The following PPM1H variants were observed in gnomAD, a reference collection of about 807,000 sequenced individuals.
The protein encoded by PPM1H is protein phosphatase 1H.
PPM1H carries 27 observed loss-of-function variants against 54.9 expected under a neutral mutation model. The ratio of observed to expected loss-of-function variants is 0.49; its 90% CI spans 0.36 to 0.68. The LOEUF is 0.68. PPM1H is among the 30% of genes least tolerant of loss of function. The pLI, the probability that PPM1H is intolerant of heterozygous loss-of-function variation, is 0.00. For synonymous variants in PPM1H, 305 were observed against 270.8 expected (o/e 1.13, Z -1.24); for missense variants, 596 against 667.8 (o/e 0.89, Z 1.19).
intron 3 of PPM1H, among the ~76,000 whole-genome samples, chr12:62,791,522 CCAATA>C (rs1180828459): frequency 1.8e-4 from 28 of 152,142 alleles, no homozygotes; most frequent in Non-Finnish European, 1.5e-5. Context: ...GAGTCTGCAT[CCAATA>C]CATCAAAAGG....
chr12:62,731,846 C>T (rs1451516114), intron 5 of PPM1H, among the ~76,000 whole-genome samples: 1 of 152,114 alleles, frequency 6.6e-6, no homozygotes, highest in African/African-American at 2.4e-5. Flanking sequence ...TACCTCAGGG[C>T]TATGGATGTC....
intron 8 of PPM1H, among the ~76,000 whole-genome samples, chr12:62,683,026 TTTATTATTTA>T (rs1362799703): frequency 2.3e-4 from 32 of 136,906 alleles, no homozygotes; most frequent in African/African-American, 8.2e-4. Context: ...TTTGGGAGAG[TTTATTATTTA>T]TTATTATTAT....
intron 1 of PPM1H, among the ~76,000 whole-genome samples, chr12:62,933,204 C>A (rs2120368337): frequency 1.3e-5 from 2 of 152,224 alleles, no homozygotes; most frequent in Middle Eastern, 3.4e-3. Flanking sequence ...ATCGTCTAGC[C>A]CCATTTATAC....
At chr12:62,691,946 G>A (rs2076085557) in intron 7 of PPM1H, among the ~76,000 whole-genome samples, 1 of 152,062 alleles carries the variant, frequency 6.6e-6, no homozygotes, top group South Asian at 2.1e-4. Context: ...TGGCTCTCCT[G>A]CTCTCCTCCC....
intron 1 of PPM1H, among the ~76,000 whole-genome samples, chr12:62,933,705 G>A (rs923201921): frequency 2.0e-5 from 3 of 152,140 alleles, no homozygotes; most frequent in Non-Finnish European, 4.4e-5. Context: ...GGAGCTGGGG[G>A]AAGGGCAATA....
At chr12:62,733,612 A>G (rs532410657) in intron 5 of PPM1H, among the ~76,000 whole-genome samples, 170 of 152,316 alleles carry the variant, frequency 1.1e-3, no homozygotes, top group African/African-American at 3.7e-3. Flanking sequence ...AGTATTTACC[A>G]TAAAGATTTC....
intron 3 of PPM1H, among the ~76,000 whole-genome samples, chr12:62,796,213 T>C (rs949346253): frequency 1.1e-4 from 17 of 152,134 alleles, no homozygotes; most frequent in African/African-American, 3.9e-4. Flanking sequence ...GTGTGAGAGT[T>C]TTCCCCCACA....
chr12:62,766,234 G>A (rs912616494), intron 4 of PPM1H, among the ~76,000 whole-genome samples: 2 of 152,082 alleles, frequency 1.3e-5, no homozygotes, highest in Non-Finnish European at 2.9e-5. Flanking sequence ...CAGGAGAGAG[G>A]GCTCTATTGG....
At chr12:62,908,068 C>T (rs373036337) in intron 1 of PPM1H, among the ~76,000 whole-genome samples, 2 of 152,160 alleles carry the variant, frequency 1.3e-5, no homozygotes, top group East Asian at 3.8e-4. Flanking sequence ...GGACAATCTC[C>T]TTATTGACTT....
chr12:62,934,825 C>T lies in PPM1H; in HGVS notation c.-89G>A. On this transcript the variant is annotated 5_prime_UTR_variant, in exon 1 of 10. Transcript: ENST00000228705. This position sits in a 1 kb window ranked among gnomAD's most constrained non-coding sequence, Gnocchi z 4.2. ...CGCGGGGCATGCAGGCTGCGGTGGG[C>T]GCCGGGCGCACGGCGAGTCGGGCCA... 1 of 1,229,268 alleles carries T rather than the reference C, an allele frequency of 8.1e-7. No homozygotes were observed. The highest frequency in any genetic ancestry group is 1.0e-6 in the Non-Finnish European group (1 of 974,974). The allele number at this position is 1,229,268 out of a possible 1,614,324, so 76.1% of individuals were successfully genotyped here. A position where few individuals can be genotyped will look rare whatever the true frequency, so the allele number is the denominator to read the frequency against.
intron 1 of PPM1H, among the ~76,000 whole-genome samples, chr12:62,877,580 T>C (rs1179788978): frequency 1.3e-5 from 2 of 152,214 alleles, no homozygotes; most frequent in African/African-American, 4.8e-5. Context: ...CCATGAAATA[T>C]ATATGATTTT....
intron 1 of PPM1H, among the ~76,000 whole-genome samples, chr12:62,901,102 T>C (rs774009762): frequency 3.3e-5 from 5 of 152,172 alleles, no homozygotes. Flanking sequence ...TTGCATCATG[T>C]AGTTTGCTCA....
intron 8 of PPM1H, among the ~76,000 whole-genome samples, chr12:62,689,053 C>T (rs1418574423): frequency 3.3e-5 from 5 of 152,038 alleles, no homozygotes; most frequent in Admixed American, 6.6e-5. Context: ...AAACACTGTA[C>T]GTGGAAGGTG....
At chr12:62,694,024 A>G (rs2076099043) in intron 6 of PPM1H, 25 bp from the exon 7 acceptor site, 1 of 1,600,892 alleles carries the variant, frequency 6.2e-7, no homozygotes, top group Non-Finnish European at 8.5e-7. Flanking sequence ...CAACATTTTA[A>G]AAAAGGTTTG....
At chr12:62,831,970 G>A (rs1396581894) in intron 2 of PPM1H, 144 bp downstream of exon 2, 23 of 949,916 alleles carry the variant, frequency 2.4e-5, no homozygotes, top group Non-Finnish European at 3.3e-5. Context: ...ATGTCGTGAC[G>A]ATAGGCCCGC....
chr12:62,680,964 C>T (rs2076016260), intron 8 of PPM1H, among the ~76,000 whole-genome samples: 1 of 152,122 alleles, frequency 6.6e-6, no homozygotes, highest in African/African-American at 2.4e-5. Context: ...GTTCCCTCTG[C>T]TCCTGTCTTC....
intron 1 of PPM1H, among the ~76,000 whole-genome samples, chr12:62,927,610 C>T (rs1211982788): frequency 2.7e-5 from 4 of 148,700 alleles, no homozygotes; most frequent in East Asian, 3.9e-4. Context: ...TGCAGTAAGC[C>T]GAGATCGTAC....
In PPM1H at chr12:62,813,371, C is replaced by G. The variant is rs192279321; in HGVS notation, c.412-11211G>C. Among the ~76,000 whole-genome samples the G allele has an allele frequency of 2.7e-5, 4 of 149,510 alleles. 1 individual carries two copies. Among genetic ancestry groups the G allele is most frequent in the Admixed American group, 1.3e-4 (2 of 15,048 alleles). ...GGAATTGGTCGGCGTGTAAGAGACA[C>G]GTTAGAAATGCTTTCCTAGTTTTCA... On this transcript the variant is annotated intron_variant, in intron 2 of 9. Coordinates refer to ENST00000228705, the MANE Select transcript of PPM1H (RefSeq NM_020700.2).
At chr12:62,759,417 A>G (rs1254026950) in intron 4 of PPM1H, among the ~76,000 whole-genome samples, 1 of 152,012 alleles carries the variant, frequency 6.6e-6, no homozygotes, top group Non-Finnish European at 1.5e-5. Flanking sequence ...TTCTCCTTTC[A>G]ATCTTGGCAC....
Sources: allele counts gnomAD v4.1 joint callset (sites outside exome capture counted in the v4.1 genomes callset), GRCh38; gene constraint gnomAD v4.1.1; non-coding constraint Gnocchi (gnomAD v3.1); transcripts MANE v1.5; gene names NCBI Gene and HGNC (gene_info 2026-07-23, HGNC 2026-07-21).